The following KIFC1 variants were observed in gnomAD, a reference collection of about 807,000 sequenced individuals.
KIFC1 encodes kinesin-like protein KIFC1.
Under a neutral mutation model 66.6 loss-of-function variants are expected in KIFC1, and 37 were observed. The ratio of observed to expected loss-of-function variants is 0.56; its 90% CI spans 0.43 to 0.73. KIFC1 has a LOEUF of 0.73. Ranked by LOEUF, KIFC1 falls within the 30% of genes least tolerant of loss-of-function variation. The pLI, the probability that KIFC1 is intolerant of heterozygous loss-of-function variation, is 0.00. For synonymous variants in KIFC1, 325 were observed against 343.5 expected (o/e 0.95, Z 0.60); for missense variants, 721 against 859.8 (o/e 0.84, Z 2.02).
chr6:33,406,125 A>T lies in KIFC1; in HGVS notation c.1537-71A>T. The T allele has an allele frequency of 1.4e-6, 2 of 1,414,238 alleles. No homozygotes were observed. The highest frequency in any genetic ancestry group is 1.9e-6 in the Non-Finnish European group (2 of 1,040,330). 87.6% of individuals were successfully genotyped at this position (1,414,238 alleles called of 1,614,324 possible). On this transcript the variant is annotated intron_variant, in intron 7 of 10. Transcript: ENST00000428849. This position sits in a 1 kb window ranked among gnomAD's most constrained non-coding sequence, Gnocchi z 4.5. ...TTCAAGAGGGTGGGGGTGGGCTCTTATTCATTTCCATACATATTACTATGT... is the reference window on the plus strand; with the variant it reads ...TTCAAGAGGGTGGGGGTGGGCTCTTTTTCATTTCCATACATATTACTATGT...
At chr6:33,394,407 T>A (rs1290793972) in intron 1 of KIFC1, among the ~76,000 whole-genome samples, 1 of 152,168 alleles carries the variant, frequency 6.6e-6, no homozygotes, top group East Asian at 1.9e-4. Flanking sequence ...TTATATCAAT[T>A]GAGATGGAGA....
chr6:33,396,422 C>CTTTCT (rs1299161374), intron 1 of KIFC1, among the ~76,000 whole-genome samples: 9 of 141,638 alleles, frequency 6.4e-5, no homozygotes, highest in Non-Finnish European at 1.2e-4. Context: ...TTTTCTTTTT[C>CTTTCT]TTTCTTTTCT....
At chr6:33,408,837 C>T (rs1775767495) in intron 10 of KIFC1, among the ~76,000 whole-genome samples, 1 of 152,192 alleles carries the variant, frequency 6.6e-6, no homozygotes, top group South Asian at 2.1e-4. Flanking sequence ...CGGCCACAGT[C>T]GTTCTTCTTT....
In KIFC1 at chr6:33,391,931, G is replaced by A; in HGVS notation, c.-55G>A. On this transcript the variant is annotated 5_prime_UTR_variant, in exon 1 of 11. Coordinates refer to ENST00000428849, the MANE Select transcript of KIFC1 (RefSeq NM_002263.4). ...AGAGAACGCGAGTCCCAGGATCCCC[G>A]GCACCCAGTTCTCTTCCACTGCATT... is the stretch of plus-strand genomic sequence containing the variant. 6.2e-7 allele frequency: 1 copy of A among 1,611,154 alleles called. No individual in the cohort carries two copies. The highest frequency in any genetic ancestry group is 8.5e-7 in the Non-Finnish European group (1 of 1,177,706).
Position 33,398,157 on chromosome 6 carries a change from G to A in KIFC1, c.141G>A (p.Glu47=), listed in dbSNP as rs368144446. 15 of 1,614,070 alleles carry A rather than the reference G, an allele frequency of 9.3e-6. No homozygotes were observed. Among genetic ancestry groups the A allele is most frequent in the Non-Finnish European group, 1.3e-5 (15 of 1,180,046 alleles). The change falls in exon 2 of 11, where the codon GAG becomes GAA. Residue 47 remains glutamate (E), a synonymous_variant. Coordinates refer to ENST00000428849, the MANE Select transcript of KIFC1 (RefSeq NM_002263.4). ...CTGACCAGATGGAAGATGGCCTGGA[G>A]CCTGAGAAGGTGAGCTGGGCATGGA... ...RRPDQMEDGL[E]PEKKRTRGLG...
intron 1 of KIFC1, among the ~76,000 whole-genome samples, chr6:33,394,368 T>G (rs1354807027): frequency 6.6e-6 from 1 of 152,174 alleles, no homozygotes; most frequent in African/African-American, 2.4e-5. Context: ...GGACTCTGGG[T>G]TTTTGGCTTG....
rs756365819 is a variant in KIFC1 at position 33,409,734 on chromosome 6, TGTGTGTGTGTG to T, written c.*45_*55del. 47,592 of 1,463,344 alleles carry T rather than the reference TGTGTGTGTGTG, an allele frequency of 0.033. 516 individuals carry two copies. The highest frequency in any genetic ancestry group is 0.041 in the Non-Finnish European group (43,248 of 1,057,384). The allele number at this position is 1,463,344 out of a possible 1,614,324, so 90.6% of individuals were successfully genotyped here. On this transcript the variant is annotated 3_prime_UTR_variant, in exon 11 of 11. Transcript: ENST00000428849. ...GTGTGTGTGTGTGTGTGTGTGTGTGTGTGTGTGTGTGTGTGTGTGTCCCTATGTCTATGTAT... is the reference window on the plus strand; with the variant it reads ...GTGTGTGTGTGTGTGTGTGTGTGTGTTGTGTGTGTCCCTATGTCTATGTAT...
chr6:33,403,965 C>A lies in KIFC1; in HGVS notation c.592C>A (p.Gln198Lys). Residue 198 changes from glutamine (Q) to lysine (K), a missense_variant, in exon 6 of 11, where the codon CAG becomes AAG. By Grantham distance (53) the Gln-to-Lys change is moderately conservative (BLOSUM62 1). Transcript: ENST00000428849. The surrounding 1 kb of genome is among the most constrained non-coding windows in gnomAD (Gnocchi z 4.6). ...LEGHLAKVQA[Q>K]AEQGQQELKN... ...GGGGCATTTAGCCAAGGTACAGGCC[C>A]AGGCTGAGCAGGGCCAACAGGAGCT... 2 of 1,614,240 alleles carry A rather than the reference C, an allele frequency of 1.2e-6. No homozygotes were observed. Among genetic ancestry groups the A allele is most frequent in the Non-Finnish European group, 1.7e-6 (2 of 1,180,042 alleles).
chr6:33,409,640 C>T lies in KIFC1; in HGVS notation c.1978-6C>T, dbSNP rs1775826045. The T allele has an allele frequency of 1.2e-6, 2 of 1,613,276 alleles. No individual in the cohort carries two copies. Among genetic ancestry groups the T allele is most frequent in the East Asian group, 4.5e-5 (2 of 44,852 alleles). Reference sequence around the variant, plus strand: ...ACTTTTATCCTGTCTAACCCCCTGCCCCCAGGTGAACCAGTGTGTTATTGG... The same window carrying T: ...ACTTTTATCCTGTCTAACCCCCTGCTCCCAGGTGAACCAGTGTGTTATTGG... On this transcript the variant is annotated splice_region_variant and splice_polypyrimidine_tract_variant and intron_variant, in intron 10 of 10. Transcript: ENST00000428849.
At chr6:33,391,664 G>A, upstream of KIFC1, 4 of 550,488 alleles carry the variant, frequency 7.3e-6, no homozygotes, top group Non-Finnish European at 1.3e-5. Flanking sequence ...GAATTAATCC[G>A]CCTACCTCTC....
chr6:33,400,967 G>C lies in KIFC1; in HGVS notation c.251-2347G>C, dbSNP rs1361923022. Among the ~76,000 whole-genome samples the C allele has an allele frequency of 6.6e-6, 1 of 151,934 alleles. No individual in the cohort carries two copies. Among genetic ancestry groups the C allele is most frequent in the African/African-American group, 2.4e-5 (1 of 41,370 alleles). On this transcript the variant is annotated intron_variant, in intron 3 of 10. Coordinates refer to ENST00000428849, the MANE Select transcript of KIFC1 (RefSeq NM_002263.4). The surrounding 1 kb of genome is among the most constrained non-coding windows in gnomAD (Gnocchi z 4.3). ...GCGCCCGGCTAACTTTTTGACTCTT[G>C]TAATAACAACTGAAAACACAAACAT...
Position 33,404,860 on chromosome 6 carries a change from G to A in KIFC1, c.765G>A (p.Leu255=), listed in dbSNP as rs114750385. ...TGTTCTCTTCTGGGCAGAGGAGGCT[G>A]CAGACATCAGAAGCAGCCCTGTCAA... ...MSQLEEKERR[L]QTSEAALSSS... Residue 255 remains leucine (L), a synonymous_variant, in exon 7 of 11, where the codon CTG becomes CTA. Coordinates refer to ENST00000428849, the MANE Select transcript of KIFC1 (RefSeq NM_002263.4). The surrounding 1 kb of genome is among the most constrained non-coding windows in gnomAD (Gnocchi z 4.0). 2.9e-3 allele frequency: 4,680 copies of A among 1,607,708 alleles called. 7 individuals carry two copies. The highest frequency in any genetic ancestry group is 3.7e-3 in the Non-Finnish European group (4,339 of 1,176,052).
At position 33,403,536 on chromosome 6, in the gene KIFC1, G is replaced by GT; in HGVS notation, c.355+2dup. ...GCTGTTCCTGTCCAGAAGTCTGGCA[G>GT]TAAGTGACAAACATAACCACTGGGT... is the stretch of plus-strand genomic sequence containing the variant. On this transcript the variant is annotated splice_donor_variant, in intron 5 of 10. Coordinates refer to ENST00000428849, the MANE Select transcript of KIFC1 (RefSeq NM_002263.4). LOFTEE classifies it high-confidence loss of function. The surrounding 1 kb of genome is among the most constrained non-coding windows in gnomAD (Gnocchi z 4.6). The GT allele has an allele frequency of 1.9e-6, 3 of 1,614,072 alleles. No homozygotes were observed. The highest frequency in any genetic ancestry group is 2.5e-6 in the Non-Finnish European group (3 of 1,179,888).
intron 1 of KIFC1, among the ~76,000 whole-genome samples, chr6:33,393,772 T>C (rs1382257729): frequency 8.1e-6 from 1 of 122,950 alleles, no homozygotes; most frequent in African/African-American, 3.1e-5. Context: ...TTTTGAGAAG[T>C]AGTCACGCTC....
chr6:33,395,228 G>C (rs1213225967), intron 1 of KIFC1, among the ~76,000 whole-genome samples: 1 of 152,166 alleles, frequency 6.6e-6, no homozygotes, highest in East Asian at 1.9e-4. Context: ...AAGGCGGCAA[G>C]GAAAAAGGAT....
In KIFC1 at chr6:33,409,660, T is replaced by A. The variant is rs370122217; in HGVS notation, c.1992T>A (p.Val664=). 4.6e-5 allele frequency: 74 copies of A among 1,612,372 alleles called. No individual in the cohort carries two copies. Among genetic ancestry groups the A allele is most frequent in the Middle Eastern group, 1.7e-4 (1 of 5,920 alleles). ...CCTGCCCCCAGGTGAACCAGTGTGT[T>A]ATTGGTACTGCTCAGGCCAACAGGA... ...LRFASKVNQC[V]IGTAQANRK Residue 664 remains valine (V), a synonymous_variant, in exon 11 of 11, where the codon GTT becomes GTA. Coordinates refer to ENST00000428849, the MANE Select transcript of KIFC1 (RefSeq NM_002263.4).
chr6:33,398,474 A>T (rs1465416207), intron 3 of KIFC1, 87 bp downstream of exon 3: 13 of 1,067,018 alleles, frequency 1.2e-5, no homozygotes, highest in Admixed American at 1.0e-4. Context: ...ATTTTATTTT[A>T]TTTTTTTTGA....
At position 33,403,517 on chromosome 6, in the gene KIFC1, C is replaced by G. The variant is rs1315065651; in HGVS notation, c.337C>G (p.Pro113Ala). 1 of 1,614,144 alleles carries G rather than the reference C, an allele frequency of 6.2e-7. No individual in the cohort carries two copies. The highest frequency in any genetic ancestry group is 1.3e-5 in the African/African-American group (1 of 75,050). ...GAACCAGAAGCCAGTTCCTGCTGTTCCTGTCCAGAAGTCTGGCAGTAAGTG... is the reference window on the plus strand; with the variant it reads ...GAACCAGAAGCCAGTTCCTGCTGTTGCTGTCCAGAAGTCTGGCAGTAAGTG... ...LKNQKPVPAV[P>A]VQKSGTSGVP... The change falls in exon 5 of 11, where the codon CCT becomes GCT. Residue 113 changes from proline (P) to alanine (A), a missense_variant. Physicochemically the swap from Pro to Ala is conservative, Grantham distance 27 (BLOSUM62 -1). Transcript: ENST00000428849. This position sits in a 1 kb window ranked among gnomAD's most constrained non-coding sequence, Gnocchi z 4.6.
At position 33,396,710 on chromosome 6, in the gene KIFC1, C is replaced by A. The variant is rs533927365; in HGVS notation, c.13-1319C>A. On this transcript the variant is annotated intron_variant, in intron 1 of 10. Transcript: ENST00000428849. ...TTTTTTTTTTTTTTGAGACCGGAGT[C>A]TCGCTCTGTCACCCAGGCTGGAGTG... 4.9e-3 allele frequency among the ~76,000 whole-genome samples: 733 copies of A among 150,304 alleles called. 4 individuals are homozygous for A. Among genetic ancestry groups the A allele is most frequent in the African/African-American group, 0.016 (670 of 40,908 alleles).
Sources: gnomAD v4.1 joint callset for allele counts (sites outside exome capture counted in the v4.1 genomes callset) on GRCh38, gnomAD v4.1.1 for gene constraint, Gnocchi (gnomAD v3.1) non-coding constraint, MANE v1.5 for transcripts, NCBI Gene and HGNC (gene_info 2026-07-23, HGNC 2026-07-21) for gene names.